Variants in DMD observed in about 807,000 individuals in gnomAD.
DMD encodes dystrophin, also known as mutant dystrophin.
In DMD, 63 loss-of-function variants were observed where a neutral mutation model predicts 330.1. That is an observed-to-expected ratio of 0.19 (90% CI 0.16 to 0.24). The LOEUF is 0.24. Ranked by LOEUF, DMD falls within the 10% of genes least tolerant of loss-of-function variation. The pLI, the probability that DMD is intolerant of heterozygous loss-of-function variation, is 1.00. For missense variants in DMD, 3,344 were observed against 2,684.1 expected (o/e 1.25, Z -5.43); for synonymous variants, 1,223 against 959.8 (o/e 1.27, Z -5.07).
At chrX:31,638,505 C>T (rs969892261) in intron 54 of DMD, among the ~76,000 whole-genome samples, 2 of 112,364 alleles carry the variant, frequency 1.8e-5, no homozygotes, top group African/African-American at 6.5e-5. Flanking sequence ...GAAGTGGCTT[C>T]TAAGCCATCC....
chrX:32,973,396 A>G lies in DMD; in HGVS notation c.93+46743T>C, dbSNP rs148239865. ...TCCTCTTCAATCTGGGTGAGTTTGT[A>G]ACTACTTCAACAGATAGAGGATGGC... On this transcript the variant is annotated intron_variant, in intron 2 of 78. Coordinates refer to ENST00000357033, the MANE Select transcript of DMD (RefSeq NM_004006.3). Among the ~76,000 whole-genome samples the G allele has an allele frequency of 1.0e-2, 1,117 of 112,204 alleles. 5 individuals are homozygous for G. Among genetic ancestry groups the G allele is most frequent in the Non-Finnish European group, 0.015 (802 of 53,258 alleles).
rs1038396949 is a variant in DMD at position 32,151,863 on chromosome X, GT to G, written c.6438+65052del. 7.2e-5 allele frequency among the ~76,000 whole-genome samples: 8 copies of G among 111,756 alleles called. No individual in the cohort carries two copies. The Admixed American group carries it at 7.6e-4, about 11-fold the overall frequency. ...AGAAAATGTCTTGAGGTTAGAAATT[GT>G]ATGTAATTAATTAATTTTCTCTTCC... On this transcript the variant is annotated intron_variant, in intron 44 of 78. Coordinates refer to ENST00000357033, the MANE Select transcript of DMD (RefSeq NM_004006.3).
chrX:32,129,124 G>C (rs1489686889), intron 44 of DMD, among the ~76,000 whole-genome samples: 3 of 111,369 alleles, frequency 2.7e-5, no homozygotes, highest in Admixed American at 1.9e-4. Context: ...AATGTATACT[G>C]TATCTTTCAG....
chrX:31,501,987 T>C (rs1210396669), intron 56 of DMD, among the ~76,000 whole-genome samples: 1 of 111,551 alleles, frequency 9.0e-6, no homozygotes, highest in Non-Finnish European at 1.9e-5. Flanking sequence ...AGTTAACTCA[T>C]TTTTGACAAA....
intron 1 of DMD, among the ~76,000 whole-genome samples, chrX:33,263,753 C>T (rs1028074338): frequency 9.1e-6 from 1 of 109,650 alleles, no homozygotes; most frequent in Admixed American, 9.8e-5. Flanking sequence ...TACAATCATA[C>T]AAGAAGTTGT....
At chrX:33,151,373 C>T (rs2048278216) in intron 1 of DMD, among the ~76,000 whole-genome samples, 1 of 112,471 alleles carries the variant, frequency 8.9e-6, no homozygotes, top group South Asian at 3.6e-4. Flanking sequence ...TGTATTAATA[C>T]AGAATATTAT....
chrX:32,075,189 G>A (rs1170657088), intron 44 of DMD, among the ~76,000 whole-genome samples: 1 of 111,946 alleles, frequency 8.9e-6, no homozygotes, highest in Non-Finnish European at 1.9e-5. Context: ...AGTGATAATG[G>A]TAAGTAAATA....
At chrX:32,625,169 T>C (rs1212257205) in intron 11 of DMD, among the ~76,000 whole-genome samples, 1 of 111,253 alleles carries the variant, frequency 9.0e-6, no homozygotes, top group Non-Finnish European at 1.9e-5. Flanking sequence ...AAACGCCGTT[T>C]CAAAAAACAA....
chrX:32,993,458 C>A (rs2093033697), intron 2 of DMD, among the ~76,000 whole-genome samples: 1 of 109,876 alleles, frequency 9.1e-6, no homozygotes, highest in Non-Finnish European at 1.9e-5. Context: ...CAATAATTAG[C>A]CAGGCATGGT....
chrX:32,627,522 C>A lies in DMD; in HGVS notation c.1332-13069G>T, dbSNP rs761676268. 3.0e-3 allele frequency among the ~76,000 whole-genome samples: 330 copies of A among 108,778 alleles called. 17 individuals carry two copies. The highest frequency in any genetic ancestry group is 0.011 in the African/African-American group (305 of 28,787). The allele number at this position is 108,778 out of a possible 115,157, so 94.5% of individuals were successfully genotyped here. On this transcript the variant is annotated intron_variant, in intron 11 of 78. Coordinates refer to ENST00000357033, the MANE Select transcript of DMD (RefSeq NM_004006.3). ...ATTGTAATTAATCCTATTGATTCAG[C>A]AACTGATATTAGCCCCAATTTACAG...
intron 2 of DMD, among the ~76,000 whole-genome samples, chrX:32,928,357 G>A (rs2089275098): frequency 9.1e-6 from 1 of 109,620 alleles, no homozygotes; most frequent in African/African-American, 3.3e-5. Flanking sequence ...TTGACCTCAC[G>A]CCACACTCTG....
At chrX:33,001,136 G>C (rs995571030) in intron 2 of DMD, among the ~76,000 whole-genome samples, 4 of 111,545 alleles carry the variant, frequency 3.6e-5, no homozygotes, top group Non-Finnish European at 5.6e-5. Context: ...AATTTTACAA[G>C]ATTTTTTGTG....
intron 16 of DMD, among the ~76,000 whole-genome samples, chrX:32,547,051 TAA>T (rs1294139007): frequency 1.9e-5 from 1 of 53,017 alleles, no homozygotes; most frequent in African/African-American, 8.0e-5. Flanking sequence ...GATCCCAAGA[TAA>T]TTTATTTTTT....
chrX:32,445,779 G>A (rs751402220), intron 27 of DMD, among the ~76,000 whole-genome samples: 1 of 110,591 alleles, frequency 9.0e-6, no homozygotes, highest in African/African-American at 3.3e-5. Context: ...TCACAAAAAA[G>A]AAGAAAACCA....
Position 32,491,466 on chromosome X carries a change from C to T in DMD, c.2433G>A (p.Arg811=). 1.7e-6 allele frequency: 2 copies of T among 1,211,027 alleles called. No individual in the cohort carries two copies. Among genetic ancestry groups the T allele is most frequent in the Non-Finnish European group, 2.2e-6 (2 of 895,003 alleles). ...IKQASEQLNS[R]WIEFCQLLSE... ...TTAGCAACTGGCAGAATTCGATCCACCGGCTGTTCAGTTGTTCTGAGGCTT... is the reference window on the plus strand; with the variant it reads ...TTAGCAACTGGCAGAATTCGATCCATCGGCTGTTCAGTTGTTCTGAGGCTT... The change falls in exon 20 of 79, where the codon CGG becomes CGA. Residue 811 remains arginine (R), a synonymous_variant. Coordinates refer to ENST00000357033, the MANE Select transcript of DMD (RefSeq NM_004006.3).
At chrX:32,401,764 C>A (rs1274640131) in intron 30 of DMD, among the ~76,000 whole-genome samples, 1 of 112,512 alleles carries the variant, frequency 8.9e-6, no homozygotes, top group African/African-American at 3.2e-5. Context: ...GTGATAGACA[C>A]CCCATTTACC....
chrX:32,309,347 G>A (rs932511997), intron 42 of DMD, among the ~76,000 whole-genome samples: 4 of 110,999 alleles, frequency 3.6e-5, no homozygotes, highest in Non-Finnish European at 5.7e-5. Flanking sequence ...ACCAAGCTCT[G>A]GGTATACTAT....
intron 50 of DMD, among the ~76,000 whole-genome samples, chrX:31,778,912 C>T (rs1341689460): frequency 1.8e-5 from 2 of 111,866 alleles, no homozygotes; most frequent in African/African-American, 3.3e-5. Context: ...ATTCTTACTG[C>T]ACTTTCAGAT....
intron 22 of DMD, among the ~76,000 whole-genome samples, chrX:32,469,959 ATGT>A (rs2051492388): frequency 9.0e-6 from 1 of 111,058 alleles, no homozygotes; most frequent in African/African-American, 3.3e-5. Flanking sequence ...AATTATATTA[ATGT>A]TGTATGTTAT....
Sources: gnomAD v4.1 joint callset for allele counts (sites outside exome capture counted in the v4.1 genomes callset) on GRCh38, gnomAD v4.1.1 for gene constraint, MANE v1.5 for transcripts, NCBI Gene and HGNC (gene_info 2026-07-23, HGNC 2026-07-21) for gene names.